SLIT3: variants seen among roughly 807,000 people sequenced by gnomAD.
The protein encoded by SLIT3 is slit guidance ligand 3, also known as slit homolog 3 protein.
SLIT3 carries 68 observed loss-of-function variants against 184.0 expected under a neutral mutation model. The observed-to-expected ratio is 0.37, with a 90% CI of 0.30 to 0.45. The LOEUF (loss-of-function observed/expected upper bound fraction) is 0.45. Ranked by LOEUF, SLIT3 falls within the 20% of genes least tolerant of loss-of-function variation. The probability of loss-of-function intolerance (pLI) is 1.00; values close to 1 mark genes in which losing one functional copy is unlikely to be tolerated. For synonymous variants in SLIT3, 831 were observed against 828.6 expected (o/e 1.00, Z -0.05); for missense variants, 1,707 against 2,026.0 (o/e 0.84, Z 3.02).
chr5:169,226,916 T>A (rs546542024), intron 3 of SLIT3, among the ~76,000 whole-genome samples: 1 of 151,284 alleles, frequency 6.6e-6, no homozygotes, highest in East Asian at 1.9e-4. Flanking sequence ...GATGCCTCAA[T>A]GAGATATATA....
At chr5:169,127,242 T>C (rs908071566) in intron 4 of SLIT3, among the ~76,000 whole-genome samples, 1 of 152,226 alleles carries the variant, frequency 6.6e-6, no homozygotes, top group Non-Finnish European at 1.5e-5. Flanking sequence ...TACTCTCCAA[T>C]GCAGAGAATG....
At chr5:168,975,507 G>A (rs920498208) in intron 4 of SLIT3, among the ~76,000 whole-genome samples, 3 of 151,502 alleles carry the variant, frequency 2.0e-5, no homozygotes, top group Non-Finnish European at 2.9e-5. Context: ...AGAGACATCT[G>A]CACAGACACA....
At chr5:168,832,238 G>A (rs1246333930) in intron 6 of SLIT3, among the ~76,000 whole-genome samples, 1 of 152,244 alleles carries the variant, frequency 6.6e-6, no homozygotes, top group Non-Finnish European at 1.5e-5. Flanking sequence ...AGATGCAAGA[G>A]TGACCTCCAA....
intron 4 of SLIT3, chr5:169,023,639 C>T (rs753531249): frequency 2.4e-4 from 36 of 152,100 alleles, no homozygotes; most frequent in Admixed American, 1.4e-3. Flanking sequence ...CCTGCTCTCA[C>T]TCTTCTGTTA....
intron 28 of SLIT3, among the ~76,000 whole-genome samples, chr5:168,695,400 T>A (rs1762028247): frequency 1.3e-5 from 2 of 152,174 alleles, no homozygotes; most frequent in Admixed American, 1.3e-4. Flanking sequence ...CAGCTTTCTT[T>A]AAAGCAGGAA....
At chr5:169,099,352 G>A (rs1759919821) in intron 4 of SLIT3, among the ~76,000 whole-genome samples, 1 of 152,080 alleles carries the variant, frequency 6.6e-6, no homozygotes, top group Non-Finnish European at 1.5e-5. Flanking sequence ...ATGCTTGTGT[G>A]ACTTGTTCAT....
intron 3 of SLIT3, among the ~76,000 whole-genome samples, chr5:169,233,281 C>T (rs1466185969): frequency 6.6e-6 from 1 of 152,194 alleles, no homozygotes; most frequent in East Asian, 1.9e-4. Context: ...CCTCGGCTTC[C>T]CAAAGTGCTG....
chr5:168,851,081 T>C (rs1384654511), intron 5 of SLIT3, among the ~76,000 whole-genome samples: 5 of 152,108 alleles, frequency 3.3e-5, no homozygotes, highest in Admixed American at 3.3e-4. Context: ...CCCAGCACTT[T>C]GGGAGGCCGA....
chr5:169,257,624 G>A (rs1766016634), intron 1 of SLIT3, among the ~76,000 whole-genome samples: 1 of 122,530 alleles, frequency 8.2e-6, no homozygotes, highest in Admixed American at 1.1e-4. Flanking sequence ...TTGGCTCACT[G>A]CAACCTCCGC....
chr5:168,888,218 G>C (rs1042176968), intron 4 of SLIT3, among the ~76,000 whole-genome samples: 2 of 152,204 alleles, frequency 1.3e-5, no homozygotes, highest in Non-Finnish European at 2.9e-5. Context: ...CCAATATGAT[G>C]GGGAACTCCT....
At chr5:168,856,083 T>G (rs1758853515) in intron 5 of SLIT3, among the ~76,000 whole-genome samples, 1 of 152,122 alleles carries the variant, frequency 6.6e-6, no homozygotes, top group South Asian at 2.1e-4. Flanking sequence ...CACTCCAGCC[T>G]GGGTGACAGA....
At position 169,199,335 on chromosome 5, in the gene SLIT3, C is replaced by T. The variant is rs1037802768; in HGVS notation, c.342-5785G>A. 5.9e-5 allele frequency among the ~76,000 whole-genome samples: 9 copies of T among 151,932 alleles called. 1 individual carries two copies. In the South Asian group the frequency reaches 1.7e-3, roughly 28 times the overall value. On this transcript the variant is annotated intron_variant, in intron 3 of 35. Coordinates refer to ENST00000519560, the MANE Select transcript of SLIT3 (RefSeq NM_003062.4). The stretch of plus-strand genomic sequence containing the variant: ...CGGCTGGGTTTTGTGACAGGATGTA[C>T]GTGAGGATTCAGGGAGTTACAGGAG...
chr5:168,903,218 G>A (rs902916691), intron 4 of SLIT3, among the ~76,000 whole-genome samples: 4 of 152,086 alleles, frequency 2.6e-5, no homozygotes, highest in African/African-American at 9.7e-5. Context: ...CCTCTTCCTC[G>A]TTCAGTTCTC....
chr5:168,902,497 G>C (rs1475928009), intron 4 of SLIT3, among the ~76,000 whole-genome samples: 2 of 152,238 alleles, frequency 1.3e-5, no homozygotes, highest in Non-Finnish European at 2.9e-5. Flanking sequence ...CTTAAACTGA[G>C]AAGTGAAGGA....
At chr5:169,160,312 G>A (rs1450454301) in intron 4 of SLIT3, among the ~76,000 whole-genome samples, 3 of 152,156 alleles carry the variant, frequency 2.0e-5, no homozygotes, top group African/African-American at 7.2e-5. Context: ...TTGCCTAAGG[G>A]CACACATCTC....
rs1415204509 is a variant in SLIT3 at position 168,671,495 on chromosome 5, G to A, written c.3842-12C>T. 9 of 1,605,580 alleles carry A rather than the reference G, an allele frequency of 5.6e-6. No individual in the cohort carries two copies. The highest frequency in any genetic ancestry group is 1.3e-5 in the African/African-American group (1 of 74,982). On this transcript the variant is annotated splice_polypyrimidine_tract_variant and intron_variant, in intron 33 of 35. Coordinates refer to ENST00000519560, the MANE Select transcript of SLIT3 (RefSeq NM_003062.4). ...GGAGGTGGGGATGCCTGTGGGAGGG[G>A]AGCCAGGACAGTGGCCTGAAGACCC... is the stretch of plus-strand genomic sequence containing the variant.
In SLIT3 at chr5:168,910,770, G is replaced by GA. The variant is rs528202018; in HGVS notation, c.414-27435dup. 2.3e-3 allele frequency among the ~76,000 whole-genome samples: 344 copies of GA among 151,238 alleles called. 1 individual carries two copies. The highest frequency in any genetic ancestry group is 7.0e-3 in the Admixed American group (107 of 15,192). On this transcript the variant is annotated intron_variant, in intron 4 of 35. Transcript: ENST00000519560. ...CAAAAAAAAAAAAAAGAAAAAAGAA[G>GA]AAAAAAACATCACAATTGCAAAGTG...
At chr5:168,922,001 T>C (rs1193137188) in intron 4 of SLIT3, among the ~76,000 whole-genome samples, 2 of 152,198 alleles carry the variant, frequency 1.3e-5, no homozygotes, top group Admixed American at 6.5e-5. Flanking sequence ...GGGAATTTTC[T>C]ATATTAATCC....
chr5:168,922,497 T>C (rs779081891), intron 4 of SLIT3, among the ~76,000 whole-genome samples: 3 of 142,242 alleles, frequency 2.1e-5, no homozygotes, highest in Non-Finnish European at 3.1e-5. Context: ...GTGGGAACCA[T>C]AGCAAGTAAA....
Sources: gnomAD v4.1 joint callset for allele counts (sites outside exome capture counted in the v4.1 genomes callset) on GRCh38, gnomAD v4.1.1 for gene constraint, MANE v1.5 for transcripts, NCBI Gene and HGNC (gene_info 2026-07-23, HGNC 2026-07-21) for gene names.